USP12: variants seen among roughly 807,000 people sequenced by gnomAD.
The protein encoded by USP12 is ubiquitin carboxyl-terminal hydrolase 12.
In USP12, 19 loss-of-function variants were observed where a neutral mutation model predicts 45.5. The ratio of observed to expected loss-of-function variants is 0.42; its 90% CI spans 0.29 to 0.61. The LOEUF (loss-of-function observed/expected upper bound fraction) is 0.61. USP12 is among the 20% of genes least tolerant of loss of function. The probability of loss-of-function intolerance (pLI) is 0.22; values close to 1 mark genes in which losing one functional copy is unlikely to be tolerated. For synonymous variants in USP12, 149 were observed against 148.8 expected, an observed-to-expected ratio of 1.00 and a Z score of -0.01; for missense variants, 242 against 447.7, an observed-to-expected ratio of 0.54 and a Z score of 4.15.
chr13:27,164,809 T>C (rs1258200077), intron 1 of USP12, among the ~76,000 whole-genome samples: 1 of 151,860 alleles, frequency 6.6e-6, no homozygotes, highest in Non-Finnish European at 1.5e-5. Context: ...TATGTAAATA[T>C]CCCTCTTCTA....
chr13:27,132,937 T>C (rs148311914), intron 1 of USP12, among the ~76,000 whole-genome samples: 24 of 152,236 alleles, frequency 1.6e-4, no homozygotes, highest in African/African-American at 5.3e-4. Flanking sequence ...CTATTCTGAA[T>C]GAACTTCTTT....
intron 6 of USP12, among the ~76,000 whole-genome samples, chr13:27,084,167 C>T (rs1873892229): frequency 1.3e-5 from 1 of 77,974 alleles, no homozygotes; most frequent in Admixed American, 1.7e-4. Flanking sequence ...TCCATGTTTG[C>T]ATACACACAC....
intron 6 of USP12, among the ~76,000 whole-genome samples, chr13:27,078,216 A>G (rs529259258): frequency 6.6e-6 from 1 of 152,310 alleles, no homozygotes; most frequent in African/African-American, 2.4e-5. Context: ...AAAATAAATA[A>G]GTAAAAAAAA....
chr13:27,131,188 A>G (rs17085226), intron 1 of USP12, among the ~76,000 whole-genome samples: 3,265 of 152,326 alleles, frequency 0.021, 117 homozygotes, highest in African/African-American at 0.075. Context: ...TACATTACAA[A>G]GAAGAAAGGT....
intron 1 of USP12, among the ~76,000 whole-genome samples, chr13:27,130,338 T>C (rs951264372): frequency 1.3e-5 from 2 of 152,124 alleles, no homozygotes; most frequent in Admixed American, 6.5e-5. Context: ...TATCAAGTCA[T>C]AGCTGTCCAG....
chr13:27,138,521 T>C (rs1055827103), intron 1 of USP12, among the ~76,000 whole-genome samples: 1 of 152,180 alleles, frequency 6.6e-6, no homozygotes, highest in African/African-American at 2.4e-5. Flanking sequence ...TGCCTCAGAC[T>C]TTCTTAGGAA....
rs1878652683 is a variant in USP12 at position 27,171,790 on chromosome 13, T to C, written c.-151A>G. ...GCCCGCTGGGCCGCCGCTGCCGTCGTCGCCGCCGGCGCTCAGGCACTCCCG... is the reference window on the plus strand; with the variant it reads ...GCCCGCTGGGCCGCCGCTGCCGTCGCCGCCGCCGGCGCTCAGGCACTCCCG... On this transcript the variant is annotated 5_prime_UTR_variant, in exon 1 of 9. Transcript: ENST00000282344. The C allele has an allele frequency of 3.8e-6, 1 of 260,550 alleles. No homozygotes were observed. The highest frequency in any genetic ancestry group is 1.3e-4 in the South Asian group (1 of 7,662). 16.1% of individuals were successfully genotyped at this position (260,550 alleles called of 1,614,324 possible). A position where few individuals can be genotyped will look rare whatever the true frequency, so the allele number is the denominator to read the frequency against.
chr13:27,161,881 CA>C (rs1404387023), intron 1 of USP12, among the ~76,000 whole-genome samples: 1 of 119,142 alleles, frequency 8.4e-6, no homozygotes, highest in Non-Finnish European at 1.8e-5. Context: ...GGCTCTGTCT[CA>C]AAAAATAAAA....
At position 27,086,189 on chromosome 13, in the gene USP12, A is replaced by ATATATATATAT. The variant is rs1378446137; in HGVS notation, c.734+3693_734+3694insATATATATATA. ...TTTGTCTCTTTAAAAAAAAAAAAAA[A>ATATATATATAT]AAAAAAAAATATATATATATATATA... On this transcript the variant is annotated intron_variant, in intron 6 of 8. Coordinates refer to ENST00000282344, the MANE Select transcript of USP12 (RefSeq NM_182488.4). Among the ~76,000 whole-genome samples, 277 of 81,634 alleles carry ATATATATATAT rather than the reference A, an allele frequency of 3.4e-3. 2 individuals carry two copies. Among genetic ancestry groups the ATATATATATAT allele is most frequent in the Non-Finnish European group, 5.2e-3 (209 of 39,936 alleles). The allele number at this position is 81,634 out of a possible 152,430, so 53.6% of individuals were successfully genotyped here. A position where few individuals can be genotyped will look rare whatever the true frequency, so the allele number is the denominator to read the frequency against.
At chr13:27,171,000 G>A (rs1398065760) in intron 1 of USP12, among the ~76,000 whole-genome samples, 2 of 152,126 alleles carry the variant, frequency 1.3e-5, no homozygotes, top group Non-Finnish European at 1.5e-5. Context: ...CCAGCGGCGC[G>A]AGGAAATCTG....
At chr13:27,141,676 A>G (rs7326966) in intron 1 of USP12, among the ~76,000 whole-genome samples, 1 of 151,586 alleles carries the variant, frequency 6.6e-6, no homozygotes, top group Admixed American at 6.6e-5. Context: ...CTAAAAAATA[A>G]ATGAATAGAC....
intron 1 of USP12, among the ~76,000 whole-genome samples, chr13:27,136,911 G>A (rs480523): frequency 0.91 from 138,715 of 152,260 alleles, 63,803 homozygotes; most frequent in South Asian, 0.97. Context: ...TGGTCAAGAG[G>A]TGTTTTTTGC....
intron 1 of USP12, among the ~76,000 whole-genome samples, chr13:27,134,943 T>C (rs1876729757): frequency 1.3e-5 from 2 of 152,210 alleles, no homozygotes; most frequent in Admixed American, 6.5e-5. Context: ...TCTAACTAAA[T>C]GTTTCACAGA....
intron 1 of USP12, among the ~76,000 whole-genome samples, chr13:27,170,807 G>A (rs1878559000): frequency 1.3e-5 from 2 of 152,250 alleles, no homozygotes; most frequent in South Asian, 4.1e-4. Context: ...GAAAGCTAAT[G>A]CTGCTTTTCA....
intron 1 of USP12, 89 bp downstream of exon 1, chr13:27,171,503 G>T: frequency 7.0e-6 from 1 of 142,816 alleles, no homozygotes; most frequent in Non-Finnish European, 1.3e-5. Context: ...GCTAGGCCCC[G>T]CGAGCGGCCA....
chr13:27,146,589 T>C (rs1358532218), intron 1 of USP12, among the ~76,000 whole-genome samples: 4 of 152,190 alleles, frequency 2.6e-5, no homozygotes, highest in Admixed American at 6.6e-5. Context: ...AGAGCTCCGA[T>C]GTTGGCTTAT....
chr13:27,089,685 A>C (rs1381900904), intron 6 of USP12, 198 bp downstream of exon 6: 1 of 545,220 alleles, frequency 1.8e-6, no homozygotes, highest in African/African-American at 1.9e-5. Context: ...AAATCACTTC[A>C]GGGTACACAG....
intron 3 of USP12, among the ~76,000 whole-genome samples, chr13:27,105,085 C>T (rs796760321): frequency 6.6e-5 from 10 of 152,274 alleles, no homozygotes; most frequent in African/African-American, 2.4e-4. Flanking sequence ...CCTCTCTGAG[C>T]CTCAGTTATT....
chr13:27,141,052 T>C (rs1456288643), intron 1 of USP12, among the ~76,000 whole-genome samples: 1 of 148,410 alleles, frequency 6.7e-6, no homozygotes, highest in Non-Finnish European at 1.5e-5. Context: ...AGTCTTGCTC[T>C]GTCACCAGGC....
Sources: gnomAD v4.1 joint callset for allele counts (sites outside exome capture counted in the v4.1 genomes callset) on GRCh38, gnomAD v4.1.1 for gene constraint, MANE v1.5 for transcripts, NCBI Gene and HGNC (gene_info 2026-07-23, HGNC 2026-07-21) for gene names.